Variants in DCTN2 observed in about 807,000 individuals in gnomAD.
DCTN2 encodes the protein dynactin subunit 2.
A neutral mutation model predicts 55.4 loss-of-function variants in DCTN2; 18 were observed. The ratio of observed to expected loss-of-function variants is 0.32; its 90% CI spans 0.22 to 0.48. The LOEUF (loss-of-function observed/expected upper bound fraction) is 0.48, where lower values mean the gene tolerates loss of function less well. DCTN2 is among the 20% of genes least tolerant of loss of function. The pLI is 0.99. For missense variants in DCTN2, 390 were observed against 491.0 expected, an observed-to-expected ratio of 0.79 and a Z score of 1.94; for synonymous variants, 168 against 185.2, an observed-to-expected ratio of 0.91 and a Z score of 0.76.
In DCTN2 at chr12:57,546,009, T is replaced by C. The variant is rs941939399; in HGVS notation, c.105+19A>G. 1.7e-5 allele frequency: 27 copies of C among 1,612,966 alleles called. No individual in the cohort carries two copies. Among genetic ancestry groups the C allele is most frequent in the Non-Finnish European group, 2.2e-5 (26 of 1,179,446 alleles). On this transcript the variant is annotated intron_variant, in intron 2 of 13. Coordinates refer to ENST00000548249, the MANE Select transcript of DCTN2 (RefSeq NM_001261413.2). ...AAAGGTCAGAGTCCGGAGGAGTCTG[T>C]GGCAGCACACATTCTTACCGCATCG...
chr12:57,532,286 G>A lies in DCTN2; in HGVS notation c.954C>T (p.Arg318=), dbSNP rs747190061. 51 of 1,562,476 alleles carry A rather than the reference G, an allele frequency of 3.3e-5. No individual in the cohort carries two copies. The highest frequency in any genetic ancestry group is 4.2e-5 in the Non-Finnish European group (48 of 1,152,886). The change falls in exon 12 of 14, where the codon CGC becomes CGT. Residue 318 remains arginine (R), a synonymous_variant. Transcript: ENST00000548249. The stretch of plus-strand genomic sequence containing the variant: ...GGAGGGTGGAGGCAATGGGGCTCCA[G>A]CGCTGTATAGTTTCATATAGCTGGT... The part of the protein sequence containing the change: ...KVHQLYETIQ[R]WSPIASTLPE...
At position 57,547,042 on chromosome 12, in the gene DCTN2, C is replaced by T; in HGVS notation, c.22G>A (p.Asp8Asn). MADPKYA[D>N]LPGIARNEPD... ...CCTGTACTCACAATGCCGGGAAGGT[C>T]GGCGTATTTAGGGTCCGCCATGGCG... The change falls in exon 1 of 14, where the codon GAC becomes AAC. Residue 8 changes from aspartate (D) to asparagine (N), a missense_variant. By Grantham distance (23) the Asp-to-Asn change is conservative. Around this residue, in one of 2 missense-constraint regions of DCTN2, gnomAD observed 117 missense variants for 187.8 expected, o/e 0.62. Transcript: ENST00000548249. 1 of 1,287,346 alleles carries T rather than the reference C, an allele frequency of 7.8e-7. No homozygotes were observed. Among genetic ancestry groups the T allele is most frequent in the Non-Finnish European group, 9.9e-7 (1 of 1,009,552 alleles). The allele number at this position is 1,287,346 out of a possible 1,614,324, so 79.7% of individuals were successfully genotyped here. A position where few individuals can be genotyped will look rare whatever the true frequency, so the allele number is the denominator to read the frequency against.
At chr12:57,536,557 C>A (rs983922138) in intron 2 of DCTN2, among the ~76,000 whole-genome samples, 2 of 152,178 alleles carry the variant, frequency 1.3e-5, no homozygotes, top group African/African-American at 4.8e-5. Context: ...CATGTAAGCT[C>A]TGAAATGGAG....
chr12:57,539,374 C>T (rs541457118), intron 2 of DCTN2, among the ~76,000 whole-genome samples: 3 of 152,320 alleles, frequency 2.0e-5, no homozygotes, highest in South Asian at 4.1e-4. Flanking sequence ...TTCACAGGTA[C>T]TAGCACATGT....
At position 57,535,171 on chromosome 12, in the gene DCTN2, G is replaced by A; in HGVS notation, c.265-17C>T. The A allele has an allele frequency of 6.3e-7, 1 of 1,598,234 alleles. No individual in the cohort carries two copies. Among genetic ancestry groups the A allele is most frequent in the Non-Finnish European group, 8.6e-7 (1 of 1,166,886 alleles). ...CTCTCCAAGCTAGAGAGCAGGCACA[G>A]AGGGTAATGTTATATGTCTCATTAC... On this transcript the variant is annotated splice_polypyrimidine_tract_variant and intron_variant, in intron 4 of 13. Transcript: ENST00000548249.
intron 2 of DCTN2, among the ~76,000 whole-genome samples, chr12:57,536,910 G>C (rs1880279760): frequency 6.6e-6 from 1 of 152,024 alleles, no homozygotes; most frequent in South Asian, 2.1e-4. Context: ...TTCTATGGGA[G>C]GAAGGCAAAA....
chr12:57,532,713 A>G lies in DCTN2; in HGVS notation c.852+20T>C. The G allele has an allele frequency of 6.2e-7, 1 of 1,613,740 alleles. No individual in the cohort carries two copies. Among genetic ancestry groups the G allele is most frequent in the Non-Finnish European group, 8.5e-7 (1 of 1,179,822 alleles). ...AGAGTCCCAAGCTATCCATAATTTA[A>G]TTTTCCCTCCATTTAATACCTGTAG... On this transcript the variant is annotated intron_variant, in intron 10 of 13. Coordinates refer to ENST00000548249, the MANE Select transcript of DCTN2 (RefSeq NM_001261413.2).
chr12:57,544,361 T>A (rs1015946676), intron 2 of DCTN2, among the ~76,000 whole-genome samples: 1 of 152,094 alleles, frequency 6.6e-6, no homozygotes, highest in Non-Finnish European at 1.5e-5. Flanking sequence ...GTAAATGCTA[T>A]GTAAATAGTT....
chr12:57,543,065 T>A (rs369512917), intron 2 of DCTN2: 5 of 453,554 alleles, frequency 1.1e-5, no homozygotes, highest in Non-Finnish European at 2.2e-5. Flanking sequence ...AGAAGGTGAC[T>A]GAGGCTGGGC....
At chr12:57,538,179 G>A (rs1880399406) in intron 2 of DCTN2, 1 of 415,270 alleles carries the variant, frequency 2.4e-6, no homozygotes, top group African/African-American at 2.0e-5. Flanking sequence ...AGTCTCAGAG[G>A]TTCTGGACAG....
chr12:57,532,310 G>T lies in DCTN2; in HGVS notation c.930C>A (p.His310Gln), dbSNP rs1378240406. ...VEDADTQSKVHQLYETIQRWS... is the reference protein window; with the variant it reads ...VEDADTQSKVQQLYETIQRWS... ...AGCGCTGTATAGTTTCATATAGCTG[G>T]TGCACCTGAAGGGACACAATGGGGC... Residue 310 changes from histidine (H) to glutamine (Q), a missense_variant, in exon 12 of 14, where the codon CAC becomes CAA. Around this residue, in one of 2 missense-constraint regions of DCTN2, gnomAD observed 273 missense variants for 303.2 expected, o/e 0.90. Coordinates refer to ENST00000548249, the MANE Select transcript of DCTN2 (RefSeq NM_001261413.2). 6.4e-7 allele frequency: 1 copy of T among 1,559,070 alleles called. No homozygotes were observed. The highest frequency in any genetic ancestry group is 8.7e-7 in the Non-Finnish European group (1 of 1,150,946).
chr12:57,532,513 C>T (rs1286832130), intron 11 of DCTN2, 59 bp downstream of exon 11: 1 of 1,568,684 alleles, frequency 6.4e-7, no homozygotes, highest in African/African-American at 1.4e-5. Flanking sequence ...CATGCTTTGA[C>T]ACTGCCACTC....
Position 57,547,072 on chromosome 12 carries a change from C to A in DCTN2, c.-9G>T, listed in dbSNP as rs1375473465. On this transcript the variant is annotated 5_prime_UTR_variant, in exon 1 of 14. Coordinates refer to ENST00000548249, the MANE Select transcript of DCTN2 (RefSeq NM_001261413.2). ...TATTTAGGGTCCGCCATGGCGGCGG[C>A]GAGACGGGCTGGGGGACCCGGGCCT... The A allele has an allele frequency of 3.9e-6, 5 of 1,267,976 alleles. No individual in the cohort carries two copies. Among genetic ancestry groups the A allele is most frequent in the Non-Finnish European group, 4.0e-6 (4 of 999,680 alleles). 78.5% of individuals were successfully genotyped at this position (1,267,976 alleles called of 1,614,324 possible). A position where few individuals can be genotyped will look rare whatever the true frequency, so the allele number is the denominator to read the frequency against.
rs750581291 is a variant in DCTN2, at chr12:57,532,236, G to A, written c.1004C>T (p.Thr335Ile). ...TLPELVQRLV[T>I]IKQLHEQAMQ... The stretch of plus-strand genomic sequence containing the variant: ...ACCTTGCTCGTGCAGCTGCTTGATG[G>A]TGACAAGTCTCTGCACCAGCTCAGG... Residue 335 changes from threonine (T) to isoleucine (I), a missense_variant, in exon 12 of 14, where the codon ACC becomes ATC. This residue lies in a region of DCTN2 where 273 missense variants were observed against 303.2 expected (regional missense o/e 0.90). Transcript: ENST00000548249. 1.9e-6 allele frequency: 3 copies of A among 1,559,478 alleles called. No individual in the cohort carries two copies. The highest frequency in any genetic ancestry group is 1.2e-5 in the South Asian group (1 of 84,474).
intron 7 of DCTN2, 138 bp downstream of exon 7, chr12:57,533,815 G>T: frequency 1.1e-6 from 1 of 903,582 alleles, no homozygotes; most frequent in Non-Finnish European, 1.6e-6. Context: ...AACGAATCAG[G>T]AATCAAAAGA....
rs147687491 is a variant in DCTN2 at position 57,531,441 on chromosome 12, C to T, written c.1119+574G>A. On this transcript the variant is annotated intron_variant, in intron 13 of 13. Transcript: ENST00000548249. ...CTGAGGCATGAGAATTGCTTGAGCC[C>T]GGGAGGTGGAGGCTGCAGTGAGCTG... Among the ~76,000 whole-genome samples, 357 of 152,198 alleles carry T rather than the reference C, an allele frequency of 2.3e-3. 2 individuals are homozygous for T. Among genetic ancestry groups the T allele is most frequent in the African/African-American group, 8.3e-3 (344 of 41,500 alleles).
Position 57,533,247 on chromosome 12 carries a change from C to G in DCTN2, c.726G>C (p.Gln242His), listed in dbSNP as rs1299165545. The change falls in exon 8 of 14, where the codon CAG becomes CAC. Residue 242 changes from glutamine to histidine, a missense_variant. By Grantham distance (24) the Gln-to-His change is conservative. Coordinates refer to ENST00000548249, the MANE Select transcript of DCTN2 (RefSeq NM_001261413.2). ...TELETAVRCD[Q>H]DAQNPLSAGL... The stretch of plus-strand genomic sequence containing the variant: ...CAGGAGAACACCTGACCTGAGCATC[C>G]TGATCACAACGTACAGCTGTCTCCA... 5 of 1,613,976 alleles carry G rather than the reference C, an allele frequency of 3.1e-6. No individual in the cohort carries two copies. The highest frequency in any genetic ancestry group is 4.2e-6 in the Non-Finnish European group (5 of 1,179,866).
chr12:57,539,705 C>G (rs1880534560), intron 2 of DCTN2, among the ~76,000 whole-genome samples: 1 of 152,190 alleles, frequency 6.6e-6, no homozygotes, highest in Non-Finnish European at 1.5e-5. Context: ...CCTCTCTGTT[C>G]CCTAGACGAT....
At chr12:57,540,738 C>T (rs1203092726) in intron 2 of DCTN2, among the ~76,000 whole-genome samples, 17 of 152,176 alleles carry the variant, frequency 1.1e-4, no homozygotes, top group Admixed American at 1.1e-3. Context: ...CGGGATGGAT[C>T]AATATATTGC....
Sources: allele counts gnomAD v4.1 joint callset (sites outside exome capture counted in the v4.1 genomes callset), GRCh38; gene constraint gnomAD v4.1.1; regional missense constraint gnomAD v4.1.1; transcripts MANE v1.5; gene names NCBI Gene and HGNC (gene_info 2026-07-23, HGNC 2026-07-21).